The following KIRREL3 variants were observed in gnomAD, a reference collection of about 807,000 sequenced individuals.
KIRREL3 encodes the protein kin of IRRE-like protein 3.
In KIRREL3, 36 loss-of-function variants were observed where a neutral mutation model predicts 89.7. That is an observed-to-expected ratio of 0.40 (90% confidence interval 0.31 to 0.53). The LOEUF (loss-of-function observed/expected upper bound fraction) is 0.53, where lower values mean the gene tolerates loss of function less well. Among genes scored for constraint, KIRREL3 ranks in the 20% least tolerant of loss-of-function variants. The probability of loss-of-function intolerance (pLI) is 0.49; values close to 1 mark genes in which losing one functional copy is unlikely to be tolerated. For synonymous variants in KIRREL3, 445 were observed against 441.4 expected (o/e 1.01, Z -0.10); for missense variants, 864 against 1,056.6 (o/e 0.82, Z 2.53).
intron 1 of KIRREL3, among the ~76,000 whole-genome samples, chr11:126,603,686 A>T (rs1215145290): frequency 2.0e-5 from 3 of 152,228 alleles, no homozygotes; most frequent in African/African-American, 7.2e-5. Flanking sequence ...ACATGGCTGC[A>T]TGTTTCTCTG....
chr11:126,768,362 G>A lies in KIRREL3; in HGVS notation c.56-205450C>T, dbSNP rs1949913816. The stretch of plus-strand genomic sequence containing the variant: ...TCCATCCACTTATCCCACAAATACT[G>A]AGTGCTCATTGTATGCAGGCACTGC... On this transcript the variant is annotated intron_variant, in intron 1 of 16. Transcript: ENST00000525144. This position sits in a 1 kb window ranked among gnomAD's most constrained non-coding sequence, Gnocchi z 4.5. 6.6e-6 allele frequency among the ~76,000 whole-genome samples: 1 copy of A among 152,112 alleles called. No homozygotes were observed.
chr11:126,883,782 C>T lies in KIRREL3; in HGVS notation c.55+116673G>A, dbSNP rs578160765. On this transcript the variant is annotated intron_variant, in intron 1 of 16. Transcript: ENST00000525144. The surrounding 1 kb of genome is among the most constrained non-coding windows in gnomAD (Gnocchi z 4.1). The stretch of plus-strand genomic sequence containing the variant: ...TTTTCTAAAAGCTACTAAAAAAATG[C>T]TTGTTTGAAATTAAAGATCCAATGT... Among the ~76,000 whole-genome samples, 13 of 152,204 alleles carry T rather than the reference C, an allele frequency of 8.5e-5. 1 individual carries two copies. In the South Asian group the frequency reaches 2.7e-3, roughly 32 times the overall value.
intron 1 of KIRREL3, among the ~76,000 whole-genome samples, chr11:126,735,703 T>C (rs1261995835): frequency 6.6e-6 from 1 of 152,218 alleles, no homozygotes; most frequent in African/African-American, 2.4e-5. Flanking sequence ...TCTCTTTCTG[T>C]AGGAACTGAA....
chr11:126,590,790 G>A (rs11220548), intron 1 of KIRREL3, among the ~76,000 whole-genome samples: 18,588 of 152,096 alleles, frequency 0.12, 1,172 homozygotes, highest in East Asian at 0.21. Context: ...CCTTGGTAGC[G>A]GGAGCCGCCC....
chr11:126,513,388 G>C lies in KIRREL3; in HGVS notation c.433+7927C>G, dbSNP rs539566394. On this transcript the variant is annotated intron_variant, in intron 4 of 16. Coordinates refer to ENST00000525144, the MANE Select transcript of KIRREL3 (RefSeq NM_032531.4). The surrounding 1 kb of genome is among the most constrained non-coding windows in gnomAD (Gnocchi z 5.9). ...AAATCGCTCATGGTGGCACTGGCTG[G>C]GGTAGGGTGGGGCTGTGCATTCCTT... is the stretch of plus-strand genomic sequence containing the variant. Among the ~76,000 whole-genome samples, 1 of 152,288 alleles carries C rather than the reference G, an allele frequency of 6.6e-6. No homozygotes were observed. Among genetic ancestry groups the C allele is most frequent in the East Asian group, 1.9e-4 (1 of 5,168 alleles).
intron 2 of KIRREL3, among the ~76,000 whole-genome samples, chr11:126,538,291 C>T (rs1025840433): frequency 6.6e-6 from 1 of 152,198 alleles, no homozygotes; most frequent in African/African-American, 2.4e-5. Flanking sequence ...AATACTTATA[C>T]TGGGGTTATT....
intron 1 of KIRREL3, among the ~76,000 whole-genome samples, chr11:126,907,335 AG>A (rs1339095954): frequency 1.3e-5 from 2 of 152,194 alleles, no homozygotes; most frequent in Admixed American, 6.5e-5. Context: ...TGTCAAATAT[AG>A]TTATGAGTAT....
At chr11:126,828,608 C>T (rs754097524) in intron 1 of KIRREL3, among the ~76,000 whole-genome samples, 2 of 152,100 alleles carry the variant, frequency 1.3e-5, no homozygotes, top group Non-Finnish European at 2.9e-5. Context: ...TACAGATCTG[C>T]CCTCACTGGA....
At position 126,531,394 on chromosome 11, in the gene KIRREL3, C is replaced by T. The variant is rs1958938062; in HGVS notation, c.134-4707G>A. 6.6e-6 allele frequency among the ~76,000 whole-genome samples: 1 copy of T among 152,234 alleles called. No homozygotes were observed. The highest frequency in any genetic ancestry group is 1.5e-5 in the Non-Finnish European group (1 of 68,044). On this transcript the variant is annotated intron_variant, in intron 2 of 16. Coordinates refer to ENST00000525144, the MANE Select transcript of KIRREL3 (RefSeq NM_032531.4). The surrounding 1 kb of genome is among the most constrained non-coding windows in gnomAD (Gnocchi z 4.7). ...GGGACCTCTCATGGCTCTCCACTCT[C>T]TGCGGGACAACGCCCAACTTCCCAT... is the stretch of plus-strand genomic sequence containing the variant.
At position 126,636,215 on chromosome 11, in the gene KIRREL3, C is replaced by T. The variant is rs1214980406; in HGVS notation, c.56-73303G>A. The stretch of plus-strand genomic sequence containing the variant: ...TAAAATAATGGATACTTATGGCATA[C>T]CCAGGGCATGGCATGTGCTAAGCAT... On this transcript the variant is annotated intron_variant, in intron 1 of 16. Coordinates refer to ENST00000525144, the MANE Select transcript of KIRREL3 (RefSeq NM_032531.4). This position sits in a 1 kb window ranked among gnomAD's most constrained non-coding sequence, Gnocchi z 4.4. 6.6e-6 allele frequency among the ~76,000 whole-genome samples: 1 copy of T among 152,188 alleles called. No homozygotes were observed. The highest frequency in any genetic ancestry group is 2.4e-5 in the African/African-American group (1 of 41,440).
chr11:126,522,996 C>T lies in KIRREL3; in HGVS notation c.284-1532G>A, dbSNP rs1958643603. Among the ~76,000 whole-genome samples, 1 of 152,196 alleles carries T rather than the reference C, an allele frequency of 6.6e-6. No homozygotes were observed. The highest frequency in any genetic ancestry group is 1.5e-5 in the Non-Finnish European group (1 of 68,038). On this transcript the variant is annotated intron_variant, in intron 3 of 16. Transcript: ENST00000525144. This position sits in a 1 kb window ranked among gnomAD's most constrained non-coding sequence, Gnocchi z 6.0. ...GCAAGTGAGAGAGACAGAACAAAGA[C>T]AGGCAGGGAGACCTGCAAGAGCTCG...
intron 1 of KIRREL3, among the ~76,000 whole-genome samples, chr11:126,961,987 G>A (rs1222304158): frequency 6.6e-6 from 1 of 152,204 alleles, no homozygotes; most frequent in Non-Finnish European, 1.5e-5. Flanking sequence ...CCACTGTTGA[G>A]AACTACTGCT....
chr11:126,459,354 G>A lies in KIRREL3; in HGVS notation c.743-2900C>T, dbSNP rs942867677. Among the ~76,000 whole-genome samples the A allele has an allele frequency of 1.3e-5, 2 of 152,152 alleles. No individual in the cohort carries two copies. Among genetic ancestry groups the A allele is most frequent in the Admixed American group, 6.5e-5 (1 of 15,272 alleles). On this transcript the variant is annotated intron_variant, in intron 6 of 16. Coordinates refer to ENST00000525144, the MANE Select transcript of KIRREL3 (RefSeq NM_032531.4). This position sits in a 1 kb window ranked among gnomAD's most constrained non-coding sequence, Gnocchi z 4.8. Reference sequence around the variant, plus strand: ...CGCCCCTGCCATGATCAGCTCACTCGTAAGGCTGCTCTCCTGCACTTTCCC... The same window carrying A: ...CGCCCCTGCCATGATCAGCTCACTCATAAGGCTGCTCTCCTGCACTTTCCC...
At chr11:126,479,669 C>A (rs1957169228) in intron 4 of KIRREL3, among the ~76,000 whole-genome samples, 1 of 152,232 alleles carries the variant, frequency 6.6e-6, no homozygotes, top group African/African-American at 2.4e-5. Context: ...GGACAAAGAG[C>A]ACGTGTGGGG....
At position 126,490,426 on chromosome 11, in the gene KIRREL3, C is replaced by T. The variant is rs60329642; in HGVS notation, c.434-16960G>A. Among the ~76,000 whole-genome samples, 12,826 of 151,814 alleles carry T rather than the reference C, an allele frequency of 0.084. 1,755 individuals carry two copies. Among genetic ancestry groups the T allele is most frequent in the African/African-American group, 0.29 (11,871 of 41,298 alleles). On this transcript the variant is annotated intron_variant, in intron 4 of 16. Coordinates refer to ENST00000525144, the MANE Select transcript of KIRREL3 (RefSeq NM_032531.4). This position sits in a 1 kb window ranked among gnomAD's most constrained non-coding sequence, Gnocchi z 4.2. ...ATAGACCATGTAGGCCTGTGTTCCA[C>T]GGGTGCTCAGAAAAGACCATGTAGG...
rs553394935 is a variant in KIRREL3 at position 126,608,018 on chromosome 11, C to A, written c.56-45106G>T. ...CTCCAGGGCCTTTCTCATCATCTCC[C>A]GTGCCTGCCGTGCTGTCTCTTACCA... On this transcript the variant is annotated intron_variant, in intron 1 of 16. Transcript: ENST00000525144. This position sits in a 1 kb window ranked among gnomAD's most constrained non-coding sequence, Gnocchi z 4.9. 1.3e-5 allele frequency among the ~76,000 whole-genome samples: 2 copies of A among 152,126 alleles called. No individual in the cohort carries two copies. Among genetic ancestry groups the A allele is most frequent in the African/African-American group, 4.8e-5 (2 of 41,374 alleles).
chr11:126,969,492 G>C lies in KIRREL3; in HGVS notation c.55+30963C>G, dbSNP rs1412554499. 6.6e-6 allele frequency among the ~76,000 whole-genome samples: 1 copy of C among 152,200 alleles called. No individual in the cohort carries two copies. The highest frequency in any genetic ancestry group is 1.5e-5 in the Non-Finnish European group (1 of 68,040). On this transcript the variant is annotated intron_variant, in intron 1 of 16. Transcript: ENST00000525144. This position sits in a 1 kb window ranked among gnomAD's most constrained non-coding sequence, Gnocchi z 4.9. ...AATGAACAGGTGTGAACCAGGGGAA[G>C]AGGGAGTAAGAACGTCTCCTGAGGG...
rs1470363060 is a variant in KIRREL3, at chr11:126,615,356, T to C, written c.56-52444A>G. On this transcript the variant is annotated intron_variant, in intron 1 of 16. Transcript: ENST00000525144. The surrounding 1 kb of genome is among the most constrained non-coding windows in gnomAD (Gnocchi z 5.4). ...TGAATGCCCACTATGCAGATCACTT[T>C]TCTTGCTTTATCTTGTTTAACTCTC... is the stretch of plus-strand genomic sequence containing the variant. 6.6e-6 allele frequency among the ~76,000 whole-genome samples: 1 copy of C among 152,192 alleles called. No homozygotes were observed. Among genetic ancestry groups the C allele is most frequent in the Non-Finnish European group, 1.5e-5 (1 of 68,028 alleles).
rs190998760 is a variant in KIRREL3 at position 126,611,429 on chromosome 11, G to A, written c.56-48517C>T. Reference sequence around the variant, plus strand: ...TCCATCAGTCTGCATTCTCCTTGCCGTCCTTGGTATGCACACACATGCATG... The same window carrying A: ...TCCATCAGTCTGCATTCTCCTTGCCATCCTTGGTATGCACACACATGCATG... On this transcript the variant is annotated intron_variant, in intron 1 of 16. Transcript: ENST00000525144. This position sits in a 1 kb window ranked among gnomAD's most constrained non-coding sequence, Gnocchi z 4.7. Among the ~76,000 whole-genome samples, 4 of 152,192 alleles carry A rather than the reference G, an allele frequency of 2.6e-5. No individual in the cohort carries two copies. Among genetic ancestry groups the A allele is most frequent in the Admixed American group, 6.5e-5 (1 of 15,300 alleles).
Sources: allele counts gnomAD v4.1 joint callset (sites outside exome capture counted in the v4.1 genomes callset), GRCh38; gene constraint gnomAD v4.1.1; non-coding constraint Gnocchi (gnomAD v3.1); transcripts MANE v1.5; gene names NCBI Gene and HGNC (gene_info 2026-07-23, HGNC 2026-07-21).